Variants in CUBN observed in about 807,000 individuals in gnomAD.
CUBN encodes cubilin.
Under a neutral mutation model 405.3 loss-of-function variants are expected in CUBN, and 282 were observed. The observed-to-expected ratio is 0.70, with a 90% confidence interval of 0.63 to 0.77. The LOEUF is 0.77. CUBN is among the 30% of genes least tolerant of loss of function. The probability of loss-of-function intolerance (pLI) is 0.00; values close to 1 mark genes in which losing one functional copy is unlikely to be tolerated. For missense variants in CUBN, 4,514 were observed against 4,475.2 expected (o/e 1.01, Z -0.25); for synonymous variants, 1,684 against 1,617.0 (o/e 1.04, Z -0.99).
intron 50 of CUBN, among the ~76,000 whole-genome samples, chr10:16,905,457 G>T (rs1381781711): frequency 1.3e-5 from 2 of 152,034 alleles, no homozygotes; most frequent in African/African-American, 4.8e-5. Context: ...TTCTCCATCT[G>T]GTATATTGCA....
chr10:17,023,513 A>G (rs1413619074), intron 27 of CUBN: 2 of 425,548 alleles, frequency 4.7e-6, no homozygotes, highest in African/African-American at 4.0e-5. Flanking sequence ...CCAAAACCAC[A>G]CAAAAAGGAA....
In CUBN at chr10:16,950,028, C is replaced by T; in HGVS notation, c.5053G>A (p.Gly1685Ser). Residue 1685 changes from glycine (G) to serine (S), a missense_variant, in exon 34 of 67, where the codon GGC (glycine) becomes AGC (serine). Coordinates refer to ENST00000377833, the MANE Select transcript of CUBN (RefSeq NM_001081.4). The part of the protein sequence containing the change: ...CARDFVEILD[G>S]GHEDAPLRGR... ...CGGAGGGGCGCGTCTTCGTGGCCGC[C>T]ATCCAAAATTTCTACAAAGTCACGT... 6.2e-7 allele frequency: 1 copy of T among 1,613,918 alleles called. No individual in the cohort carries two copies. Among genetic ancestry groups the T allele is most frequent in the Non-Finnish European group, 8.5e-7 (1 of 1,179,922 alleles).
chr10:17,103,027 A>G (rs1836533434), intron 13 of CUBN, 98 bp downstream of exon 13: 1 of 798,910 alleles, frequency 1.3e-6, no homozygotes, highest in Non-Finnish European at 2.1e-6. Context: ...TGATAGTTGA[A>G]TTATCATTGC....
intron 66 of CUBN, among the ~76,000 whole-genome samples, chr10:16,827,688 G>A (rs757757730): frequency 1.1e-3 from 160 of 152,302 alleles, no homozygotes; most frequent in African/African-American, 3.6e-3. Flanking sequence ...TGCAACCTCC[G>A]CCTCCCTGGC....
At chr10:16,923,095 C>T (rs1842084422) in intron 43 of CUBN, among the ~76,000 whole-genome samples, 1 of 152,056 alleles carries the variant, frequency 6.6e-6, no homozygotes. Flanking sequence ...GCCTTGGCTT[C>T]TCAAAGTGCT....
intron 59 of CUBN, among the ~76,000 whole-genome samples, chr10:16,864,923 T>G (rs1182227354): frequency 6.7e-6 from 1 of 148,936 alleles, no homozygotes; most frequent in African/African-American, 2.5e-5. Flanking sequence ...GTGCTGAGAT[T>G]ACAGGCGTGA....
chr10:16,907,749 T>A, intron 48 of CUBN, 70 bp from the exon 49 acceptor site: 3 of 1,539,722 alleles, frequency 1.9e-6, no homozygotes, highest in Non-Finnish European at 2.7e-6. Context: ...GAGGTGATAT[T>A]TCCAGCCCAG....
At chr10:16,916,611 T>C (rs1414145228) in intron 45 of CUBN, among the ~76,000 whole-genome samples, 2 of 152,302 alleles carry the variant, frequency 1.3e-5, no homozygotes, top group South Asian at 4.1e-4. Context: ...ACACGATCTA[T>C]GGTGTAGTTA....
intron 40 of CUBN, among the ~76,000 whole-genome samples, chr10:16,932,428 G>A (rs1045546086): frequency 7.9e-5 from 12 of 152,166 alleles, no homozygotes; most frequent in South Asian, 4.2e-4. Flanking sequence ...GCCCAATTTT[G>A]TATAAGGCAT....
chr10:16,982,554 A>G lies in CUBN; in HGVS notation c.4625T>C (p.Val1542Ala). The G allele has an allele frequency of 6.2e-7, 1 of 1,613,914 alleles. No homozygotes were observed. The highest frequency in any genetic ancestry group is 8.5e-7 in the Non-Finnish European group (1 of 1,179,822). Residue 1542 changes from valine to alanine, a missense_variant, in exon 31 of 67, where the codon GTT (valine) becomes GCT (alanine). Val to Ala is a moderately conservative substitution (Grantham distance 64). Around this residue, in one of 5 missense-constraint regions of CUBN, gnomAD observed 1,613 missense variants for 1,542.8 expected, o/e 1.05. Coordinates refer to ENST00000377833, the MANE Select transcript of CUBN (RefSeq NM_001081.4). ...SNTDCSWVIR[V>A]DRNHRVLLNF... ...CAAGAGAACACGATGATTTCTGTCA[A>G]CCCGAATGACCCAAGAACAGTCTGT... is the stretch of plus-strand genomic sequence containing the variant.
At chr10:16,891,300 T>A (rs1042345547) in intron 54 of CUBN, among the ~76,000 whole-genome samples, 1 of 152,184 alleles carries the variant, frequency 6.6e-6, no homozygotes, top group Non-Finnish European at 1.5e-5. Flanking sequence ...TAAATTTACA[T>A]GCAAAATTCC....
intron 15 of CUBN, among the ~76,000 whole-genome samples, chr10:17,087,466 C>CTTTTTTT (rs879308596): frequency 0.047 from 3,712 of 79,050 alleles, 515 homozygotes; most frequent in East Asian, 0.079. Flanking sequence ...TATTATTTTT[C>CTTTTTTT]TTTTTCTTTT....
At chr10:17,108,172 C>A (rs912060154) in intron 10 of CUBN, among the ~76,000 whole-genome samples, 7 of 152,248 alleles carry the variant, frequency 4.6e-5, no homozygotes, top group African/African-American at 1.7e-4. Flanking sequence ...CTCATTTAAT[C>A]ATCTGAAGCA....
At chr10:16,893,234 T>A (rs1259268596) in intron 54 of CUBN, among the ~76,000 whole-genome samples, 1 of 152,218 alleles carries the variant, frequency 6.6e-6, no homozygotes, top group Non-Finnish European at 1.5e-5. Flanking sequence ...TAATTGCAGA[T>A]TCACATACAT....
intron 58 of CUBN, among the ~76,000 whole-genome samples, chr10:16,872,860 T>C (rs1315009179): frequency 3.3e-5 from 5 of 152,182 alleles, no homozygotes; most frequent in Non-Finnish European, 5.9e-5. Context: ...TGTTCTTTTG[T>C]CCCCAAGACC....
In CUBN at chr10:17,088,362, AAAT is replaced by A. The variant is rs777828691; in HGVS notation, c.1766-20_1766-18del. 1.3e-6 allele frequency: 2 copies of A among 1,590,652 alleles called. 1 individual carries two copies. Among genetic ancestry groups the A allele is most frequent in the South Asian group, 2.2e-5 (2 of 90,524 alleles). On this transcript the variant is annotated intron_variant, in intron 14 of 66. Coordinates refer to ENST00000377833, the MANE Select transcript of CUBN (RefSeq NM_001081.4). ...CTCCACACTCTAAAATAAGAGGGAA[AAAT>A]AATGTTACATTTGTATAGATGCTAT...
At chr10:16,927,754 G>A (rs1842231597) in intron 41 of CUBN, among the ~76,000 whole-genome samples, 1 of 152,222 alleles carries the variant, frequency 6.6e-6, no homozygotes, top group South Asian at 2.1e-4. Flanking sequence ...TCAGATGGCT[G>A]ACTTCAACCA....
Position 17,043,242 on chromosome 10 carries a change from A to G in CUBN, c.3829+585T>C, listed in dbSNP as rs540432705. On this transcript the variant is annotated intron_variant, in intron 26 of 66. Transcript: ENST00000377833. ...TTTTGCTCAGTGTTCCTTTAATTCC[A>G]TCATGTTGCTATCTGGGAAAAGTAG... Among the ~76,000 whole-genome samples the G allele has an allele frequency of 9.8e-5, 15 of 152,288 alleles. No individual in the cohort carries two copies. In the South Asian group the frequency reaches 2.5e-3, roughly 25 times the overall value.
At chr10:17,003,533 T>C (rs1247527704) in intron 28 of CUBN, among the ~76,000 whole-genome samples, 2 of 152,180 alleles carry the variant, frequency 1.3e-5, no homozygotes, top group Non-Finnish European at 2.9e-5. Context: ...TTCAATAAAA[T>C]TTTTTCGTTC....
Sources: allele counts gnomAD v4.1 joint callset (sites outside exome capture counted in the v4.1 genomes callset), GRCh38; gene constraint gnomAD v4.1.1; regional missense constraint gnomAD v4.1.1; transcripts MANE v1.5; gene names NCBI Gene and HGNC (gene_info 2026-07-23, HGNC 2026-07-21).